The following ANK3 variants were observed in gnomAD, a reference collection of about 807,000 sequenced individuals.
ANK3 encodes the protein ankyrin-3.
ANK3 carries 57 observed loss-of-function variants against 370.9 expected under a neutral mutation model. The observed-to-expected ratio is 0.15, with a 90% CI of 0.12 to 0.19. The LOEUF is 0.19. Among genes scored for constraint, ANK3 ranks in the 10% least tolerant of loss-of-function variants. The probability of loss-of-function intolerance (pLI) is 1.00; values close to 1 mark genes in which losing one functional copy is unlikely to be tolerated. For synonymous variants in ANK3, 1,929 were observed against 1,946.3 expected (o/e 0.99, Z 0.23); for missense variants, 4,439 against 5,302.1 (o/e 0.84, Z 5.06).
intron 2 of ANK3, among the ~76,000 whole-genome samples, chr10:60,405,873 C>T (rs2063445665): frequency 6.6e-6 from 1 of 152,072 alleles, no homozygotes; most frequent in Admixed American, 6.5e-5. Context: ...TATATTCTTC[C>T]ACTTTTTTTG....
intron 1 of ANK3, among the ~76,000 whole-genome samples, chr10:60,648,277 C>A (rs1341923142): frequency 1.3e-5 from 2 of 149,776 alleles, no homozygotes; most frequent in Non-Finnish European, 3.0e-5. Context: ...CTCAGCCTCC[C>A]GAGTAGCTGG....
chr10:60,581,536 T>C (rs1436623929), intron 2 of ANK3, among the ~76,000 whole-genome samples: 1 of 151,264 alleles, frequency 6.6e-6, no homozygotes, highest in Non-Finnish European at 1.5e-5. Context: ...GTGATTCTCC[T>C]GCCTCAGCCT....
At chr10:60,707,204 G>T (rs2079633066) in intron 1 of ANK3, among the ~76,000 whole-genome samples, 1 of 152,116 alleles carries the variant, frequency 6.6e-6, no homozygotes, top group South Asian at 2.1e-4. Context: ...GACTACAGAT[G>T]TCCTAATATG....
intron 42 of ANK3, among the ~76,000 whole-genome samples, chr10:60,045,492 C>T (rs2076802715): frequency 6.6e-6 from 1 of 152,140 alleles, no homozygotes; most frequent in East Asian, 1.9e-4. Context: ...AATACATTAC[C>T]TTCATTTGTG....
chr10:60,096,286 T>G (rs2090117904), intron 28 of ANK3, among the ~76,000 whole-genome samples: 1 of 152,226 alleles, frequency 6.6e-6, no homozygotes, highest in African/African-American at 2.4e-5. Flanking sequence ...GCCAATATTC[T>G]TTCTGGGATT....
chr10:60,073,482 T>G lies in ANK3; in HGVS notation c.7399A>C (p.Met2467Leu). 6.2e-7 allele frequency: 1 copy of G among 1,614,010 alleles called. No homozygotes were observed. Among genetic ancestry groups the G allele is most frequent in the South Asian group, 1.1e-5 (1 of 91,068 alleles). ...ACATCTAGCTTTTCTGACAGAAGCA[T>G]TTTCTCAGCAAACCTGTAAGACTCC... ...RGESYRFAEK[M>L]LLSEKLDVSH... Residue 2467 changes from methionine to leucine, a missense_variant, in exon 37 of 44, where the codon ATG becomes CTG. Met to Leu is a conservative substitution (Grantham distance 15, BLOSUM62 2). Coordinates refer to ENST00000280772, the MANE Select transcript of ANK3 (RefSeq NM_020987.5).
chr10:60,288,889 A>AACACTAAC (rs2040644416), intron 1 of ANK3, among the ~76,000 whole-genome samples: 1 of 139,252 alleles, frequency 7.2e-6, no homozygotes, highest in South Asian at 2.4e-4. Context: ...AGGTAGGAAT[A>AACACTAAC]ACACACACAC....
At chr10:60,124,338 A>ATT (rs139900877) in intron 25 of ANK3, among the ~76,000 whole-genome samples, 78 of 150,194 alleles carry the variant, frequency 5.2e-4, no homozygotes, top group Admixed American at 4.0e-3. Flanking sequence ...ATTTTATTTT[A>ATT]TTTTTTTTTG....
intron 7 of ANK3, among the ~76,000 whole-genome samples, chr10:60,250,742 A>G (rs564143855): frequency 1.4e-4 from 22 of 152,338 alleles, no homozygotes; most frequent in African/African-American, 4.6e-4. Context: ...CAGGAAATAT[A>G]TATCATATGC....
At chr10:60,334,445 C>T (rs1025126460) in intron 1 of ANK3, among the ~76,000 whole-genome samples, 32 of 152,108 alleles carry the variant, frequency 2.1e-4, no homozygotes, top group Non-Finnish European at 7.4e-5. Flanking sequence ...CATCACTGTA[C>T]TTTATTACAT....
At chr10:60,173,273 A>G (rs2095842304) in intron 18 of ANK3, 87 bp from the exon 19 acceptor site, 1 of 1,096,302 alleles carries the variant, frequency 9.1e-7, no homozygotes, top group Non-Finnish European at 1.3e-6. Flanking sequence ...TCATTATTTA[A>G]CCTTTCTTTT....
chr10:60,606,862 C>T (rs1276676004), intron 2 of ANK3, among the ~76,000 whole-genome samples: 7 of 152,150 alleles, frequency 4.6e-5, no homozygotes, highest in African/African-American at 7.2e-5. Flanking sequence ...TTGAAATCAT[C>T]AACAGCTAAG....
Position 60,198,494 on chromosome 10 carries a change from G to C in ANK3, c.1535C>G (p.Ala512Gly). ...CTGCAACAGCTGTTGTACTATGTCT[G>C]CTTTCCCCAGTCGGGCTGAAATGTG... ...PLHISARLGK[A>G]DIVQQLLQQG... The change falls in exon 14 of 44, where the codon GCA (alanine) becomes GGA (glycine). Residue 512 changes from alanine (A) to glycine (G), a missense_variant. Ala to Gly is a moderately conservative substitution (Grantham distance 60). This residue lies in a region of ANK3 where 227 missense variants were observed against 377.6 expected (regional missense o/e 0.60). Coordinates refer to ENST00000280772, the MANE Select transcript of ANK3 (RefSeq NM_020987.5). 1 of 1,614,194 alleles carries C rather than the reference G, an allele frequency of 6.2e-7. No individual in the cohort carries two copies. The highest frequency in any genetic ancestry group is 8.5e-7 in the Non-Finnish European group (1 of 1,180,036).
intron 2 of ANK3, among the ~76,000 whole-genome samples, chr10:60,552,445 C>G (rs190144557): frequency 6.6e-6 from 1 of 152,172 alleles, no homozygotes; most frequent in African/African-American, 2.4e-5. Context: ...TAAACATCAC[C>G]GGCTTTAAAG....
chr10:60,296,067 G>A lies in ANK3; in HGVS notation c.115-16428C>T, dbSNP rs866797083. 5.3e-5 allele frequency among the ~76,000 whole-genome samples: 8 copies of A among 152,256 alleles called. No homozygotes were observed. In the South Asian group the frequency reaches 1.7e-3, roughly 32 times the overall value. ...ACATTTAAGCAAAAGGCAAGACTGA[G>A]CAGGAAGCAAAGTCTAAATAAATAT... is the stretch of plus-strand genomic sequence containing the variant. On this transcript the variant is annotated intron_variant, in intron 1 of 43. Transcript: ENST00000280772.
intron 5 of ANK3, among the ~76,000 whole-genome samples, chr10:60,265,990 T>A (rs1173052156): frequency 3.9e-5 from 6 of 152,100 alleles, no homozygotes; most frequent in African/African-American, 1.4e-4. Flanking sequence ...TGTATACAAA[T>A]CCCCTCTACC....
intron 1 of ANK3, among the ~76,000 whole-genome samples, chr10:60,300,719 G>A (rs192304616): frequency 1.3e-5 from 2 of 152,094 alleles, no homozygotes; most frequent in African/African-American, 4.8e-5. Context: ...ACCAGCTTTT[G>A]TCATTCTGCT....
intron 4 of ANK3, among the ~76,000 whole-genome samples, chr10:60,275,181 GCAA>G (rs978086178): frequency 6.6e-6 from 1 of 152,140 alleles, no homozygotes; most frequent in African/African-American, 2.4e-5. Flanking sequence ...CTTTTCTGTA[GCAA>G]CAACAGATTA....
intron 1 of ANK3, among the ~76,000 whole-genome samples, chr10:60,360,254 G>A (rs1338044013): frequency 6.6e-6 from 1 of 152,140 alleles, no homozygotes; most frequent in Non-Finnish European, 1.5e-5. Context: ...AATTAAGTGA[G>A]GATCTACTTT....
Sources: gnomAD v4.1 joint callset for allele counts (sites outside exome capture counted in the v4.1 genomes callset) on GRCh38, gnomAD v4.1.1 for gene constraint, gnomAD v4.1.1 regional missense constraint, MANE v1.5 for transcripts, NCBI Gene and HGNC (gene_info 2026-07-23, HGNC 2026-07-21) for gene names.